BCL11B: variants seen among roughly 807,000 people sequenced by gnomAD.
BCL11B encodes B-cell lymphoma/leukemia 11B.
Under a neutral mutation model 49.9 loss-of-function variants are expected in BCL11B, and 8 were observed. The observed-to-expected ratio is 0.16, with a 90% CI of 0.09 to 0.29. The LOEUF (loss-of-function observed/expected upper bound fraction) is 0.29, where lower values mean the gene tolerates loss of function less well. Ranked by LOEUF, BCL11B falls within the 10% of genes least tolerant of loss-of-function variation. The pLI is 1.00. For missense variants in BCL11B, 1,006 were observed against 1,351.0 expected (o/e 0.74, Z 4.00); for synonymous variants, 739 against 637.4 (o/e 1.16, Z -2.40).
rs866301873 is a variant in BCL11B at position 99,176,155 on chromosome 14, C to T, written c.681G>A (p.Lys227=). 3 of 1,612,354 alleles carry T rather than the reference C, an allele frequency of 1.9e-6. No individual in the cohort carries two copies. Among genetic ancestry groups the T allele is most frequent in the South Asian group, 1.1e-5 (1 of 91,042 alleles). ...GGAACCACGCGCTGTTGAAGGGCTG[C>T]TTGCATGTTGTGCAAATGTAGCTGG... ...EPSSYICTTC[K]QPFNSAWFLL... Residue 227 remains lysine (K), a synonymous_variant, in exon 4 of 4, where the codon AAG becomes AAA. Coordinates refer to ENST00000357195, the MANE Select transcript of BCL11B (RefSeq NM_138576.4).
At chr14:99,202,395 C>T (rs1461871273) in intron 3 of BCL11B, among the ~76,000 whole-genome samples, 6 of 152,186 alleles carry the variant, frequency 3.9e-5, no homozygotes, top group African/African-American at 1.4e-4. Flanking sequence ...TAGGCCTATC[C>T]CAGGAGGAGG....
intron 2 of BCL11B, among the ~76,000 whole-genome samples, chr14:99,233,264 C>CATCA (rs1888389196): frequency 6.6e-6 from 1 of 152,206 alleles, no homozygotes; most frequent in Admixed American, 6.5e-5. Flanking sequence ...GGTCATCCAT[C>CATCA]ATCATGACAG....
chr14:99,265,939 A>G (rs1889468328), intron 1 of BCL11B, among the ~76,000 whole-genome samples: 1 of 152,214 alleles, frequency 6.6e-6, no homozygotes, highest in Non-Finnish European at 1.5e-5. Flanking sequence ...CAACTTGGGA[A>G]AGAAGACATT....
rs1215471674 is a variant in BCL11B, at chr14:99,228,999, G to GATGA, written c.640+2342_640+2345dup. Among the ~76,000 whole-genome samples, 1 of 146,962 alleles carries GATGA rather than the reference G, an allele frequency of 6.8e-6. No individual in the cohort carries two copies. Among genetic ancestry groups the GATGA allele is most frequent in the African/African-American group, 2.5e-5 (1 of 40,028 alleles). ...GCATGGATGGATGGATGGCTACATG[G>GATGA]ATGAATGGATGGATGGATGGATGGA... On this transcript the variant is annotated intron_variant, in intron 3 of 3. Transcript: ENST00000357195. The surrounding 1 kb of genome is among the most constrained non-coding windows in gnomAD (Gnocchi z 4.8).
At chr14:99,211,463 T>C (rs1308556189) in intron 3 of BCL11B, among the ~76,000 whole-genome samples, 1 of 152,240 alleles carries the variant, frequency 6.6e-6, no homozygotes, top group Admixed American at 6.5e-5. Context: ...GAGCCTGGTC[T>C]CAGGGTATAG....
At chr14:99,234,162 G>T (rs758936305) in intron 2 of BCL11B, among the ~76,000 whole-genome samples, 1 of 152,164 alleles carries the variant, frequency 6.6e-6, no homozygotes, top group Non-Finnish European at 1.5e-5. Flanking sequence ...GGAGCCAGTA[G>T]GGGTGTGAGG....
In BCL11B at chr14:99,173,114, G is replaced by T; in HGVS notation, c.*1037C>A. On this transcript the variant is annotated 3_prime_UTR_variant, in exon 4 of 4. Coordinates refer to ENST00000357195, the MANE Select transcript of BCL11B (RefSeq NM_138576.4). ...TTTAAAAAAAGAGAGAAGCCGTCAA[G>T]CCAGAAAACGCCTAAAAGAACACCG... 4.3e-6 allele frequency: 1 copy of T among 230,706 alleles called. No homozygotes were observed. The highest frequency in any genetic ancestry group is 8.6e-6 in the Non-Finnish European group (1 of 116,438). 14.3% of individuals were successfully genotyped at this position (230,706 alleles called of 1,614,324 possible).
intron 2 of BCL11B, among the ~76,000 whole-genome samples, chr14:99,235,712 C>T (rs947523602): frequency 1.4e-5 from 2 of 146,884 alleles, no homozygotes; most frequent in Admixed American, 6.8e-5. Context: ...GGAAGGACAG[C>T]GGGGGGAAGG....
At chr14:99,226,582 G>C (rs1888168060) in intron 3 of BCL11B, among the ~76,000 whole-genome samples, 1 of 152,198 alleles carries the variant, frequency 6.6e-6, no homozygotes, top group Non-Finnish European at 1.5e-5. Flanking sequence ...TTCTTGTTTG[G>C]TATGAAATGT....
At chr14:99,177,005 C>A (rs1177851597) in intron 3 of BCL11B, among the ~76,000 whole-genome samples, 1 of 151,968 alleles carries the variant, frequency 6.6e-6, no homozygotes, top group Non-Finnish European at 1.5e-5. Flanking sequence ...TTTCCTACAC[C>A]ACCGTCTGTG....
intron 3 of BCL11B, among the ~76,000 whole-genome samples, chr14:99,178,263 G>A (rs759498063): frequency 1.3e-5 from 2 of 152,186 alleles, no homozygotes; most frequent in Non-Finnish European, 2.9e-5. Context: ...AAATGAAAAA[G>A]GAATTCTGAA....
In BCL11B at chr14:99,231,220, C is replaced by A; in HGVS notation, c.640+125G>T. 1 of 1,056,140 alleles carries A rather than the reference C, an allele frequency of 9.5e-7. No individual in the cohort carries two copies. Among genetic ancestry groups the A allele is most frequent in the Non-Finnish European group, 1.4e-6 (1 of 740,242 alleles). The allele number at this position is 1,056,140 out of a possible 1,614,324, so 65.4% of individuals were successfully genotyped here. A position where few individuals can be genotyped will look rare whatever the true frequency, so the allele number is the denominator to read the frequency against. On this transcript the variant is annotated intron_variant, in intron 3 of 3. Transcript: ENST00000357195. This position sits in a 1 kb window ranked among gnomAD's most constrained non-coding sequence, Gnocchi z 8.1. ...GAACATTCTTTACCACTTCCCCTGG[C>A]ACCCCAAAAAGCCTTCTGGGTGGGA...
At chr14:99,179,119 G>A (rs1886623843) in intron 3 of BCL11B, among the ~76,000 whole-genome samples, 1 of 152,218 alleles carries the variant, frequency 6.6e-6, no homozygotes, top group African/African-American at 2.4e-5. Flanking sequence ...GGCAGTTACT[G>A]GAAGTCAGGT....
rs188120837 is a variant in BCL11B at position 99,262,359 on chromosome 14, C to T, written c.59-4520G>A. On this transcript the variant is annotated intron_variant, in intron 1 of 3. Transcript: ENST00000357195. The surrounding 1 kb of genome is among the most constrained non-coding windows in gnomAD (Gnocchi z 4.2). ...ACACACACATGTGCATTGCTACATA[C>T]ACAGTACGTGGGCTGCTGCTCCTCC... 1.1e-4 allele frequency among the ~76,000 whole-genome samples: 16 copies of T among 152,370 alleles called. No homozygotes were observed. Among genetic ancestry groups the T allele is most frequent in the Non-Finnish European group, 1.5e-5 (1 of 68,036 alleles).
intron 3 of BCL11B, among the ~76,000 whole-genome samples, chr14:99,220,344 A>G (rs1887972463): frequency 6.6e-6 from 1 of 152,230 alleles, no homozygotes; most frequent in Non-Finnish European, 1.5e-5. Flanking sequence ...CCAACTGTCC[A>G]TCAATGGATG....
At position 99,184,618 on chromosome 14, in the gene BCL11B, C is replaced by G. The variant is rs1299810030; in HGVS notation, c.641-8423G>C. Among the ~76,000 whole-genome samples the G allele has an allele frequency of 6.6e-6, 1 of 152,180 alleles. No individual in the cohort carries two copies. Among genetic ancestry groups the G allele is most frequent in the African/African-American group, 2.4e-5 (1 of 41,436 alleles). Reference sequence around the variant, plus strand: ...GAGCGTGTGCTGGGGTCCAGACTCACAACTGGCTGCCCCTCACACAGGGAT... The same window carrying G: ...GAGCGTGTGCTGGGGTCCAGACTCAGAACTGGCTGCCCCTCACACAGGGAT... On this transcript the variant is annotated intron_variant, in intron 3 of 3. Transcript: ENST00000357195. The surrounding 1 kb of genome is among the most constrained non-coding windows in gnomAD (Gnocchi z 6.1).
chr14:99,244,721 T>C (rs564980481), intron 2 of BCL11B, among the ~76,000 whole-genome samples: 1 of 152,330 alleles, frequency 6.6e-6, no homozygotes, highest in African/African-American at 2.4e-5. Context: ...TGCCTTCAGA[T>C]TCCTCTACCA....
Position 99,248,104 on chromosome 14 carries a change from A to G in BCL11B, c.427+9367T>C, listed in dbSNP as rs902282280. 6.6e-6 allele frequency among the ~76,000 whole-genome samples: 1 copy of G among 152,058 alleles called. No homozygotes were observed. The highest frequency in any genetic ancestry group is 1.5e-5 in the Non-Finnish European group (1 of 68,014). ...GTGGTCCCAGTTTCCCAGCTGTCTG[A>G]GCAGCGAGGGGCAGATGCTTTCCCA... is the stretch of plus-strand genomic sequence containing the variant. On this transcript the variant is annotated intron_variant, in intron 2 of 3. Transcript: ENST00000357195. The surrounding 1 kb of genome is among the most constrained non-coding windows in gnomAD (Gnocchi z 4.7).
chr14:99,207,968 G>A (rs1887581667), intron 3 of BCL11B, among the ~76,000 whole-genome samples: 2 of 152,210 alleles, frequency 1.3e-5, no homozygotes, highest in South Asian at 2.1e-4. Context: ...CACACCAGCG[G>A]AGCAGCATTA....
Sources: gnomAD v4.1 joint callset for allele counts (sites outside exome capture counted in the v4.1 genomes callset) on GRCh38, gnomAD v4.1.1 for gene constraint, Gnocchi (gnomAD v3.1) non-coding constraint, MANE v1.5 for transcripts, NCBI Gene and HGNC (gene_info 2026-07-23, HGNC 2026-07-21) for gene names.